Variants in ZBTB20 observed in about 807,000 individuals in gnomAD.
The protein encoded by ZBTB20 is zinc finger and BTB domain-containing protein 20.
Under a neutral mutation model 56.9 loss-of-function variants are expected in ZBTB20, and 9 were observed. That is an observed-to-expected ratio of 0.16 (90% CI 0.10 to 0.28). ZBTB20 has a LOEUF of 0.28. Among genes scored for constraint, ZBTB20 ranks in the 10% least tolerant of loss-of-function variants. The pLI is 1.00. For missense variants in ZBTB20, 655 were observed against 1,003.0 expected, an observed-to-expected ratio of 0.65 and a Z score of 4.69; for synonymous variants, 417 against 420.7, an observed-to-expected ratio of 0.99 and a Z score of 0.11.
At chr3:114,682,303 T>C (rs115787054) in intron 6 of ZBTB20, among the ~76,000 whole-genome samples, 53 of 152,268 alleles carry the variant, frequency 3.5e-4, no homozygotes, top group Non-Finnish European at 6.9e-4. Context: ...TTCTAGACGA[T>C]TGTGGGGATT....
At chr3:114,364,513 C>G (rs2082197883) in intron 10 of ZBTB20, among the ~76,000 whole-genome samples, 1 of 152,148 alleles carries the variant, frequency 6.6e-6, no homozygotes, top group South Asian at 2.1e-4. Context: ...CTAGGAAGCT[C>G]TATGAGCTAT....
intron 6 of ZBTB20, chr3:114,582,416 ACT>A (rs1046395092): frequency 5.3e-5 from 8 of 149,544 alleles, no homozygotes; most frequent in African/African-American, 2.0e-4. Context: ...ACAGAGTCTC[ACT>A]CTGTCCACCA....
chr3:114,607,460 C>T lies in ZBTB20; in HGVS notation c.-295+86068G>A, dbSNP rs906864198. Among the ~76,000 whole-genome samples the T allele has an allele frequency of 5.9e-5, 9 of 151,938 alleles. No homozygotes were observed. The South Asian group carries it at 1.5e-3, about 25-fold the overall frequency. On this transcript the variant is annotated intron_variant, in intron 6 of 11. Coordinates refer to ENST00000675478, the MANE Select transcript of ZBTB20 (RefSeq NM_001348800.3). The stretch of plus-strand genomic sequence containing the variant: ...TGGGATTACAGGCATGCACCCCCAA[C>T]GCCGGGCTAATTTTGTATTTTTAGT...
intron 1 of ZBTB20, among the ~76,000 whole-genome samples, chr3:115,075,620 C>T (rs868243210): frequency 6.6e-6 from 1 of 152,082 alleles, no homozygotes; most frequent in African/African-American, 2.4e-5. Flanking sequence ...AAAGTACCAA[C>T]AGAAGTAAAG....
At chr3:114,844,544 A>AAAAAAAAAAAAAAAAAC (rs1560313358) in intron 4 of ZBTB20, among the ~76,000 whole-genome samples, 1 of 140,642 alleles carries the variant, frequency 7.1e-6, no homozygotes, top group African/African-American at 2.7e-5. Flanking sequence ...AAAAAAAAAA[A>AAAAAAAAAAAAAAAAAC]AAAAAAAACT....
intron 6 of ZBTB20, among the ~76,000 whole-genome samples, chr3:114,607,481 T>C (rs1172305574): frequency 6.6e-6 from 1 of 152,040 alleles, no homozygotes; most frequent in Non-Finnish European, 1.5e-5. Flanking sequence ...TTTTGTATTT[T>C]TAGTAGAGAC....
intron 1 of ZBTB20, among the ~76,000 whole-genome samples, chr3:115,088,246 C>A (rs148571973): frequency 0.015 from 2,323 of 151,944 alleles, 32 homozygotes; most frequent in South Asian, 0.049. Context: ...AGGTAAAGTT[C>A]TTCACTTTGG....
chr3:114,398,853 A>G (rs1228067272), intron 7 of ZBTB20, among the ~76,000 whole-genome samples: 1 of 152,194 alleles, frequency 6.6e-6, no homozygotes. Flanking sequence ...CCTTCTAGTC[A>G]CATTCCAAAT....
intron 2 of ZBTB20, among the ~76,000 whole-genome samples, chr3:115,051,021 AT>A (rs2081528133): frequency 6.6e-6 from 1 of 152,122 alleles, no homozygotes; most frequent in African/African-American, 2.4e-5. Context: ...ATACTCAGAA[AT>A]TCCAAAACGC....
chr3:114,639,047 C>G (rs2059422742), intron 6 of ZBTB20, among the ~76,000 whole-genome samples: 4 of 152,074 alleles, frequency 2.6e-5, no homozygotes, highest in Admixed American at 2.6e-4. Context: ...GCTACAGGCT[C>G]CTTAGCATGC....
At chr3:114,733,007 T>G (rs534540036) in intron 5 of ZBTB20, among the ~76,000 whole-genome samples, 2 of 151,954 alleles carry the variant, frequency 1.3e-5, no homozygotes, top group Admixed American at 1.3e-4. Flanking sequence ...AGGAATGAAA[T>G]AGAGAATATA....
chr3:114,564,111 G>A (rs1459043683), intron 6 of ZBTB20, among the ~76,000 whole-genome samples: 1 of 152,050 alleles, frequency 6.6e-6, no homozygotes, highest in African/African-American at 2.4e-5. Context: ...CAGCAACGCA[G>A]CATCTTTCAA....
At chr3:115,136,290 A>G (rs193283427) in intron 1 of ZBTB20, among the ~76,000 whole-genome samples, 282 of 152,260 alleles carry the variant, frequency 1.9e-3, no homozygotes, top group Non-Finnish European at 3.1e-3. Context: ...AATTTTAACA[A>G]TGCTAAATTT....
chr3:114,615,037 G>A (rs2057834094), intron 6 of ZBTB20, among the ~76,000 whole-genome samples: 1 of 152,092 alleles, frequency 6.6e-6, no homozygotes, highest in African/African-American at 2.4e-5. Flanking sequence ...AAGTGCTTGG[G>A]ATTACAGGCA....
intron 5 of ZBTB20, among the ~76,000 whole-genome samples, chr3:114,795,254 T>A (rs1403521696): frequency 6.6e-6 from 1 of 152,094 alleles, no homozygotes; most frequent in Non-Finnish European, 1.5e-5. Flanking sequence ...AGCATGTGTA[T>A]ATTATTTACC....
chr3:114,748,348 TCTTTTC>T (rs1448657717), intron 5 of ZBTB20, among the ~76,000 whole-genome samples: 12 of 27,386 alleles, frequency 4.4e-4, no homozygotes, highest in Admixed American at 9.2e-4. Flanking sequence ...TTTCTTTCTT[TCTTTTC>T]TCTCTCTCTC....
chr3:114,763,409 T>A (rs2068568667), intron 5 of ZBTB20, among the ~76,000 whole-genome samples: 1 of 152,214 alleles, frequency 6.6e-6, no homozygotes, highest in Non-Finnish European at 1.5e-5. Context: ...TTTCTATGTC[T>A]CAGTTTACTT....
At chr3:115,051,321 T>C (rs2081539518) in intron 2 of ZBTB20, among the ~76,000 whole-genome samples, 3 of 151,932 alleles carry the variant, frequency 2.0e-5, no homozygotes. Flanking sequence ...TAACTATAAA[T>C]AGATTTTGGA....
At chr3:114,413,649 A>G (rs1004585351) in intron 7 of ZBTB20, among the ~76,000 whole-genome samples, 1 of 152,090 alleles carries the variant, frequency 6.6e-6, no homozygotes, top group Non-Finnish European at 1.5e-5. Context: ...TATAGTGCTG[A>G]TATTAAGCCT....
Sources: allele counts gnomAD v4.1 joint callset (sites outside exome capture counted in the v4.1 genomes callset), GRCh38; gene constraint gnomAD v4.1.1; transcripts MANE v1.5; gene names NCBI Gene and HGNC (gene_info 2026-07-23, HGNC 2026-07-21).